POU2F1: variants seen among roughly 807,000 people sequenced by gnomAD.
POU2F1 encodes the protein POU domain, class 2, transcription factor 1.
POU2F1 carries 16 observed loss-of-function variants against 84.9 expected under a neutral mutation model. The ratio of observed to expected loss-of-function variants is 0.19; its 90% CI spans 0.13 to 0.29. POU2F1 has a LOEUF of 0.29. POU2F1 is among the 10% of genes least tolerant of loss of function. The pLI, the probability that POU2F1 is intolerant of heterozygous loss-of-function variation, is 1.00. For synonymous variants in POU2F1, 368 were observed against 368.3 expected, an observed-to-expected ratio of 1.00 and a Z score of 0.01; for missense variants, 738 against 942.6, an observed-to-expected ratio of 0.78 and a Z score of 2.84.
At chr1:167,233,856 A>G (rs529664885) in intron 1 of POU2F1, among the ~76,000 whole-genome samples, 2 of 152,376 alleles carry the variant, frequency 1.3e-5, no homozygotes, top group African/African-American at 4.8e-5. Context: ...CATACTTTTC[A>G]ATAAATACAT....
intron 1 of POU2F1, among the ~76,000 whole-genome samples, chr1:167,221,826 T>C (rs1049010978): frequency 6.6e-6 from 1 of 151,582 alleles, no homozygotes; most frequent in Non-Finnish European, 1.5e-5. Flanking sequence ...GTGCCCCCCC[T>C]GGGGGGTGGA....
chr1:167,398,165 G>C, intron 11 of POU2F1, 32 bp downstream of exon 11: 1 of 1,609,526 alleles, frequency 6.2e-7, no homozygotes. Flanking sequence ...CTGTACATGG[G>C]ATTGTCTGTG....
At chr1:167,396,576 G>A (rs1648821087) in intron 10 of POU2F1, 149 bp downstream of exon 10, 4 of 736,468 alleles carry the variant, frequency 5.4e-6, no homozygotes, top group Admixed American at 3.0e-5. Flanking sequence ...TATAAATTAT[G>A]GTGATATAAA....
intron 1 of POU2F1, among the ~76,000 whole-genome samples, chr1:167,312,788 T>C (rs1048287505): frequency 1.6e-4 from 25 of 152,208 alleles, no homozygotes; most frequent in African/African-American, 6.0e-4. Flanking sequence ...CCTATACAGG[T>C]ATACTATTTT....
rs182540140 is a variant in POU2F1 at position 167,266,796 on chromosome 1, G to C, written c.61+45838G>C. ...GTGCCACCACACCCAGCTAATGTTT[G>C]TATTTTTAGTAGAGATGGGGTTATA... is the stretch of plus-strand genomic sequence containing the variant. On this transcript the variant is annotated intron_variant, in intron 1 of 15. Coordinates refer to ENST00000367866, the MANE Select transcript of POU2F1 (RefSeq NM_002697.4). 2.4e-3 allele frequency among the ~76,000 whole-genome samples: 358 copies of C among 152,040 alleles called. 2 individuals are homozygous for C. The highest frequency in any genetic ancestry group is 4.7e-3 in the Admixed American group (72 of 15,284).
At chr1:167,289,345 A>G (rs975916367) in intron 1 of POU2F1, among the ~76,000 whole-genome samples, 2 of 152,230 alleles carry the variant, frequency 1.3e-5, no homozygotes, top group African/African-American at 4.8e-5. Context: ...GCCTGTGCTC[A>G]GCAAGCTTAC....
chr1:167,318,280 C>T (rs1285536635), intron 1 of POU2F1, among the ~76,000 whole-genome samples: 1 of 152,206 alleles, frequency 6.6e-6, no homozygotes, highest in Admixed American at 6.5e-5. Flanking sequence ...TGCCACTAGA[C>T]CGCCATGTTT....
intron 2 of POU2F1, among the ~76,000 whole-genome samples, chr1:167,342,997 CA>C (rs1386298677): frequency 6.6e-6 from 1 of 151,586 alleles, no homozygotes; most frequent in African/African-American, 2.4e-5. Flanking sequence ...AAGCAAATAC[CA>C]AACACCTGTA....
intron 1 of POU2F1, among the ~76,000 whole-genome samples, chr1:167,221,257 C>T (rs931291305): frequency 2.0e-5 from 3 of 151,172 alleles, no homozygotes; most frequent in Admixed American, 6.6e-5. Context: ...CGGCCCTCCT[C>T]CTCTGCCGGC....
chr1:167,351,540 A>AAG (rs1658577955), intron 2 of POU2F1, among the ~76,000 whole-genome samples: 4 of 143,912 alleles, frequency 2.8e-5, no homozygotes, highest in African/African-American at 1.1e-4. Context: ...AAAAAAAAAA[A>AAG]AAAGAAAGAA....
rs1173227295 is a variant in POU2F1 at position 167,419,192 on chromosome 1, A to G, written c.*3382A>G. On this transcript the variant is annotated 3_prime_UTR_variant, in exon 16 of 16. Transcript: ENST00000367866. ...GCTAAGATACTCAAATTTAACTTTT[A>G]GCCACCTTATATGGGAGAGCCTGGA... 1 of 152,198 alleles carries G rather than the reference A, an allele frequency of 6.6e-6. No homozygotes were observed. Among genetic ancestry groups the G allele is most frequent in the East Asian group, 1.9e-4 (1 of 5,202 alleles). 9.4% of individuals were successfully genotyped at this position (152,198 alleles called of 1,614,324 possible). A position where few individuals can be genotyped will look rare whatever the true frequency, so the allele number is the denominator to read the frequency against.
At position 167,415,518 on chromosome 1, in the gene POU2F1, C is replaced by T; in HGVS notation, c.2009C>T (p.Ser670Phe). Residue 670 changes from serine to phenylalanine, a missense_variant, in exon 16 of 16, where the codon TCT (serine) becomes TTT (phenylalanine). Physicochemically the swap from Ser to Phe is radical, Grantham distance 155. This residue lies in a region of POU2F1 where 319 missense variants were observed against 386.0 expected (regional missense o/e 0.83). Transcript: ENST00000367866. Reference sequence around the variant, plus strand: ...TCTGTAGCTCTTGCTTCTGGTGGCTCTCTTCCAATAACATCACTTGATGCA... The same window carrying T: ...TCTGTAGCTCTTGCTTCTGGTGGCTTTCTTCCAATAACATCACTTGATGCA... The part of the protein sequence containing the change: ...ATIQALASGG[S>F]LPITSLDATG... 6.2e-7 allele frequency: 1 copy of T among 1,614,044 alleles called. No homozygotes were observed. Among genetic ancestry groups the T allele is most frequent in the Non-Finnish European group, 8.5e-7 (1 of 1,179,974 alleles).
intron 1 of POU2F1, among the ~76,000 whole-genome samples, chr1:167,259,015 T>G (rs1648320751): frequency 6.6e-6 from 1 of 152,250 alleles, no homozygotes; most frequent in African/African-American, 2.4e-5. Flanking sequence ...CTCATGTGAC[T>G]GTTGGGTCAG....
At chr1:167,374,908 A>G (rs1204649216) in intron 6 of POU2F1, among the ~76,000 whole-genome samples, 1 of 152,180 alleles carries the variant, frequency 6.6e-6, no homozygotes, top group African/African-American at 2.4e-5. Flanking sequence ...TCTACTAAAA[A>G]TACAAAAAAT....
At chr1:167,332,424 C>A in intron 1 of POU2F1, 46 bp from the exon 2 acceptor site, 3 of 1,482,542 alleles carry the variant, frequency 2.0e-6, no homozygotes, top group Non-Finnish European at 2.8e-6. Flanking sequence ...ATCCCATCTC[C>A]ATCCCCAGTT....
intron 10 of POU2F1, chr1:167,396,699 AC>A: frequency 2.9e-6 from 1 of 339,414 alleles, no homozygotes. Context: ...ACACACACAC[AC>A]ACACACACAG....
chr1:167,401,079 T>G (rs1571447818), intron 12 of POU2F1, among the ~76,000 whole-genome samples: 1 of 152,200 alleles, frequency 6.6e-6, no homozygotes, highest in African/African-American at 2.4e-5. Flanking sequence ...TTTTATTTTA[T>G]TAAAACCAAA....
At chr1:167,387,379 A>T (rs1413984860) in intron 8 of POU2F1, 2 of 369,552 alleles carry the variant, frequency 5.4e-6, no homozygotes, top group Non-Finnish European at 1.1e-5. Flanking sequence ...ATGTACAGCT[A>T]CATAGGGGTC....
At chr1:167,407,869 A>G (rs1649691636) in intron 13 of POU2F1, among the ~76,000 whole-genome samples, 1 of 152,244 alleles carries the variant, frequency 6.6e-6, no homozygotes, top group South Asian at 2.1e-4. Flanking sequence ...ACACAGCACC[A>G]AGAGAACGAT....
Sources: allele counts gnomAD v4.1 joint callset (sites outside exome capture counted in the v4.1 genomes callset), GRCh38; gene constraint gnomAD v4.1.1; regional missense constraint gnomAD v4.1.1; transcripts MANE v1.5; gene names NCBI Gene and HGNC (gene_info 2026-07-23, HGNC 2026-07-21).